Variants in MYBL1 observed in about 807,000 individuals in gnomAD.
The protein encoded by MYBL1 is myb-related protein A.
MYBL1 carries 17 observed loss-of-function variants against 96.3 expected under a neutral mutation model. That is an observed-to-expected ratio of 0.18 (90% CI 0.12 to 0.26). MYBL1 has a LOEUF of 0.26. Among genes scored for constraint, MYBL1 ranks in the 10% least tolerant of loss-of-function variants. The pLI is 1.00. For synonymous variants in MYBL1, 282 were observed against 292.7 expected, an observed-to-expected ratio of 0.96 and a Z score of 0.37; for missense variants, 701 against 882.9, an observed-to-expected ratio of 0.79 and a Z score of 2.61.
intron 3 of MYBL1, among the ~76,000 whole-genome samples, chr8:66,599,901 G>A (rs1281095029): frequency 1.3e-5 from 2 of 152,136 alleles, no homozygotes; most frequent in Non-Finnish European, 2.9e-5. Flanking sequence ...TAAAGGCATT[G>A]CTATACTACT....
chr8:66,581,463 G>A (rs1809207884), intron 8 of MYBL1, among the ~76,000 whole-genome samples: 1 of 152,098 alleles, frequency 6.6e-6, no homozygotes, highest in Non-Finnish European at 1.5e-5. Context: ...GATTGCTTGA[G>A]CCCAGGAGTT....
At position 66,564,589 on chromosome 8, in the gene MYBL1, G is replaced by C; in HGVS notation, c.*108C>G. ...TAGAAAAAAGATGCTGTATTAAAAG[G>C]GCTATCTTACAACTTTAAAAACAAC... On this transcript the variant is annotated 3_prime_UTR_variant, in exon 16 of 16. Transcript: ENST00000522677. 1.1e-6 allele frequency: 1 copy of C among 871,630 alleles called. No individual in the cohort carries two copies. The highest frequency in any genetic ancestry group is 3.2e-5 in the South Asian group (1 of 31,702). The allele number at this position is 871,630 out of a possible 1,614,324, so 54.0% of individuals were successfully genotyped here.
rs1164156553 is a variant in MYBL1 at position 66,564,564 on chromosome 8, T to C, written c.*133A>G. ...CTAGCTTTCTGCCTACTATATAGAATAGAAAAAAGATGCTGTATTAAAAGG... is the reference window on the plus strand; with the variant it reads ...CTAGCTTTCTGCCTACTATATAGAACAGAAAAAAGATGCTGTATTAAAAGG... On this transcript the variant is annotated 3_prime_UTR_variant, in exon 16 of 16. Transcript: ENST00000522677. 3 of 594,280 alleles carry C rather than the reference T, an allele frequency of 5.0e-6. No homozygotes were observed. The highest frequency in any genetic ancestry group is 7.7e-6 in the Non-Finnish European group (3 of 387,784). 36.8% of individuals were successfully genotyped at this position (594,280 alleles called of 1,614,324 possible).
In MYBL1 at chr8:66,606,895, A is replaced by G. The variant is rs1208508783; in HGVS notation, c.21-4372T>C. Among the ~76,000 whole-genome samples, 3 of 151,934 alleles carry G rather than the reference A, an allele frequency of 2.0e-5. No homozygotes were observed. In the East Asian group the frequency reaches 5.8e-4, roughly 29 times the overall value. On this transcript the variant is annotated intron_variant, in intron 1 of 15. Transcript: ENST00000522677. Reference sequence around the variant, plus strand: ...AACCTCCACCTCCCTGGTTCAAGCAATTCTCCTTCCTCAGCCTCCCAGGTA... The same window carrying G: ...AACCTCCACCTCCCTGGTTCAAGCAGTTCTCCTTCCTCAGCCTCCCAGGTA...
chr8:66,612,436 A>G (rs1810567645), intron 1 of MYBL1: 1 of 248,152 alleles, frequency 4.0e-6, no homozygotes, highest in East Asian at 7.3e-5. Context: ...AGTCGCCCGA[A>G]CACCATTTTC....
chr8:66,572,720 T>A (rs1484231499), intron 11 of MYBL1, 124 bp from the exon 12 acceptor site: 1 of 424,298 alleles, frequency 2.4e-6, no homozygotes, highest in Non-Finnish European at 4.2e-6. Context: ...CATTTAAACA[T>A]TCTAAGACTA....
Position 66,599,166 on chromosome 8 carries a change from T to C in MYBL1, c.199-24A>G, listed in dbSNP as rs372404664. 8.6e-6 allele frequency: 13 copies of C among 1,519,486 alleles called. No individual in the cohort carries two copies. The African/African-American group carries it at 1.8e-4, about 21-fold the overall frequency. The allele number at this position is 1,519,486 out of a possible 1,614,324, so 94.1% of individuals were successfully genotyped here. A position where few individuals can be genotyped will look rare whatever the true frequency, so the allele number is the denominator to read the frequency against. On this transcript the variant is annotated intron_variant, in intron 3 of 15. Coordinates refer to ENST00000522677, the MANE Select transcript of MYBL1 (RefSeq NM_001080416.4). ...TTCTGAAAAAATTTAGAAGATTTTGTTATTAAACAACTGTCTTCCAGAAAG... is the reference window on the plus strand; with the variant it reads ...TTCTGAAAAAATTTAGAAGATTTTGCTATTAAACAACTGTCTTCCAGAAAG...
At chr8:66,573,639 C>T (rs1168629929) in intron 10 of MYBL1, 133 bp from the exon 11 acceptor site, 2 of 766,718 alleles carry the variant, frequency 2.6e-6, no homozygotes, top group Non-Finnish European at 3.7e-6. Flanking sequence ...TACACTTATA[C>T]TCCATGGAAA....
chr8:66,576,388 A>T lies in MYBL1; in HGVS notation c.1102-13T>A. ...ATGCTACAGGATCCTGCAATAAATT[A>T]AACTGTTAATAAAGTTAATGCTGTA... On this transcript the variant is annotated splice_polypyrimidine_tract_variant and intron_variant, in intron 9 of 15. Transcript: ENST00000522677. The T allele has an allele frequency of 6.3e-7, 1 of 1,585,806 alleles. No individual in the cohort carries two copies. Among genetic ancestry groups the T allele is most frequent in the African/African-American group, 1.4e-5 (1 of 73,576 alleles).
intron 8 of MYBL1, among the ~76,000 whole-genome samples, chr8:66,591,328 CAG>C (rs1254259171): frequency 6.6e-6 from 1 of 150,908 alleles, no homozygotes; most frequent in Non-Finnish European, 1.5e-5. Context: ...GCCTGGGCAA[CAG>C]AGCAAAACTC....
intron 4 of MYBL1, 112 bp from the exon 5 acceptor site, chr8:66,597,662 T>C (rs1187013541): frequency 5.9e-6 from 4 of 683,652 alleles, no homozygotes; most frequent in Non-Finnish European, 9.4e-6. Context: ...ACAACTACAA[T>C]TTGTTAAAAA....
intron 1 of MYBL1, among the ~76,000 whole-genome samples, chr8:66,607,837 C>T (rs917103640): frequency 1.3e-5 from 2 of 152,260 alleles, no homozygotes; most frequent in South Asian, 4.1e-4. Flanking sequence ...AGAAATGCCA[C>T]CAGCAACATT....
At chr8:66,578,048 T>A (rs1222438787) in intron 9 of MYBL1, among the ~76,000 whole-genome samples, 3 of 152,060 alleles carry the variant, frequency 2.0e-5, no homozygotes, top group African/African-American at 7.2e-5. Context: ...TGAAACTGGA[T>A]CCCTTCCTTA....
chr8:66,595,126 T>C (rs914906619), intron 6 of MYBL1, among the ~76,000 whole-genome samples: 4 of 152,278 alleles, frequency 2.6e-5, no homozygotes, highest in Non-Finnish European at 5.9e-5. Flanking sequence ...GATTAGTTAT[T>C]AGGGGGAAAA....
At chr8:66,602,205 C>T (rs1210109844) in intron 2 of MYBL1, among the ~76,000 whole-genome samples, 2 of 151,968 alleles carry the variant, frequency 1.3e-5, no homozygotes, top group Non-Finnish European at 2.9e-5. Flanking sequence ...ACATGCGCCA[C>T]CATACCAGGC....
chr8:66,582,877 T>C (rs528150810), intron 8 of MYBL1, among the ~76,000 whole-genome samples: 9 of 152,090 alleles, frequency 5.9e-5, no homozygotes, highest in African/African-American at 1.2e-4. Flanking sequence ...AAAGGAGTAA[T>C]AGATTCCAAT....
In MYBL1 at chr8:66,612,816, C is replaced by A. The variant is rs1430718548; in HGVS notation, c.20+3G>T. On this transcript the variant is annotated splice_donor_region_variant and intron_variant, in intron 1 of 15. Transcript: ENST00000522677. ...AGGCCTGGGCGAAAGGGGTGCCACC[C>A]ACCTGCGCGACCTCTTCGCCATCCT... The A allele has an allele frequency of 7.3e-7, 1 of 1,371,448 alleles. No homozygotes were observed. The highest frequency in any genetic ancestry group is 2.0e-5 in the South Asian group (1 of 49,228). The allele number at this position is 1,371,448 out of a possible 1,614,324, so 85.0% of individuals were successfully genotyped here. A position where few individuals can be genotyped will look rare whatever the true frequency, so the allele number is the denominator to read the frequency against.
At chr8:66,611,894 A>G (rs1436206561) in intron 1 of MYBL1, among the ~76,000 whole-genome samples, 1 of 152,246 alleles carries the variant, frequency 6.6e-6, no homozygotes, top group African/African-American at 2.4e-5. Flanking sequence ...TAGATAAATA[A>G]ATATTTGGAA....
At chr8:66,591,649 T>C (rs2129928967) in intron 8 of MYBL1, among the ~76,000 whole-genome samples, 1 of 152,216 alleles carries the variant, frequency 6.6e-6, no homozygotes, top group South Asian at 2.1e-4. Flanking sequence ...TTTTTAAATT[T>C]ACTGAACTCA....
Sources: allele counts gnomAD v4.1 joint callset (sites outside exome capture counted in the v4.1 genomes callset), GRCh38; gene constraint gnomAD v4.1.1; transcripts MANE v1.5; gene names NCBI Gene and HGNC (gene_info 2026-07-23, HGNC 2026-07-21).